The following KSR2 variants were observed in gnomAD, a reference collection of about 807,000 sequenced individuals.
KSR2 encodes the protein kinase suppressor of ras 2.
Under a neutral mutation model 107.8 loss-of-function variants are expected in KSR2, and 25 were observed. The ratio of observed to expected loss-of-function variants is 0.23; its 90% CI spans 0.17 to 0.32. The LOEUF is 0.32. Among genes scored for constraint, KSR2 ranks in the 10% least tolerant of loss-of-function variants. The pLI, the probability that KSR2 is intolerant of heterozygous loss-of-function variation, is 1.00. For missense variants in KSR2, 887 were observed against 1,268.9 expected, an observed-to-expected ratio of 0.70 and a Z score of 4.57; for synonymous variants, 480 against 507.0, an observed-to-expected ratio of 0.95 and a Z score of 0.71.
At chr12:117,949,550 T>C (rs1466514497) in intron 1 of KSR2, among the ~76,000 whole-genome samples, 3 of 152,214 alleles carry the variant, frequency 2.0e-5, no homozygotes. Context: ...AGAAATTTTG[T>C]GGGCAAAAGA....
chr12:117,561,691 A>G lies in KSR2; in HGVS notation c.1326-3118T>C, dbSNP rs561507093. ...CCTTCTTTGAGACAAGCCTAAGATA[A>G]CACCTAACTCTTCCCAATACGGATG... On this transcript the variant is annotated intron_variant, in intron 7 of 19. Transcript: ENST00000339824. 5.9e-5 allele frequency among the ~76,000 whole-genome samples: 9 copies of G among 152,320 alleles called. No individual in the cohort carries two copies. In the Middle Eastern group the frequency reaches 0.014, roughly 230 times the overall value.
chr12:117,777,168 A>G (rs1052156931), intron 3 of KSR2, among the ~76,000 whole-genome samples: 27 of 126,798 alleles, frequency 2.1e-4, no homozygotes, highest in African/African-American at 8.4e-4. Context: ...CACCATACAT[A>G]TATACACTAT....
chr12:117,454,786 T>C lies in KSR2; in HGVS notation c.*12413A>G, dbSNP rs531617383. On this transcript the variant is annotated 3_prime_UTR_variant, in exon 20 of 20. Transcript: ENST00000339824. ...TTTTTTGCTGAAGAAGGTTTTTTGG[T>C]ATGGCAAGACAGAACTGGGGGCCCC... is the stretch of plus-strand genomic sequence containing the variant. 6.6e-6 allele frequency: 1 copy of C among 152,066 alleles called. No homozygotes were observed. Among genetic ancestry groups the C allele is most frequent in the African/African-American group, 2.4e-5 (1 of 41,450 alleles). 9.4% of individuals were successfully genotyped at this position (152,066 alleles called of 1,614,324 possible).
chr12:117,607,758 C>G (rs1002813129), intron 5 of KSR2, among the ~76,000 whole-genome samples: 21 of 151,946 alleles, frequency 1.4e-4, no homozygotes, highest in African/African-American at 4.1e-4. Context: ...AGGTGTTTTG[C>G]TGACAGGAGA....
intron 4 of KSR2, among the ~76,000 whole-genome samples, chr12:117,731,648 G>A (rs368933269): frequency 1.5e-4 from 23 of 152,088 alleles, no homozygotes; most frequent in South Asian, 1.0e-3. Context: ...GTGTCTGTGT[G>A]GAAAGAGGTA....
chr12:117,912,947 C>T (rs1397628160), intron 1 of KSR2, among the ~76,000 whole-genome samples: 3 of 152,160 alleles, frequency 2.0e-5, no homozygotes, highest in Admixed American at 6.5e-5. Flanking sequence ...CCCCTCAGGG[C>T]AGACACTGTT....
Position 117,968,928 on chromosome 12 carries a change from C to T in KSR2, c.-673G>A. ...TGCTGCTGCTGCCGCCGCCGGGCTC[C>T]GGGGGTGACGGTTGCTGCAATCGCT... On this transcript the variant is annotated 5_prime_UTR_variant, in exon 1 of 20. Transcript: ENST00000339824. The T allele has an allele frequency of 8.0e-6, 2 of 249,804 alleles. 1 individual carries two copies. The highest frequency in any genetic ancestry group is 7.3e-5 in the South Asian group (2 of 27,566). The allele number at this position is 249,804 out of a possible 1,614,324, so 15.5% of individuals were successfully genotyped here.
At chr12:117,675,893 A>G (rs922263561) in intron 4 of KSR2, among the ~76,000 whole-genome samples, 2 of 152,230 alleles carry the variant, frequency 1.3e-5, no homozygotes, top group African/African-American at 4.8e-5. Context: ...ACCGCCCTGT[A>G]CAGCAAAATG....
At chr12:117,497,757 TAA>T (rs1273868760) in intron 14 of KSR2, among the ~76,000 whole-genome samples, 2 of 152,238 alleles carry the variant, frequency 1.3e-5, no homozygotes, top group Non-Finnish European at 2.9e-5. Context: ...CAGTGCTTTG[TAA>T]CCTCTGAGGT....
intron 1 of KSR2, among the ~76,000 whole-genome samples, chr12:117,936,134 C>T (rs1276476784): frequency 2.6e-5 from 4 of 152,022 alleles, no homozygotes; most frequent in Admixed American, 2.6e-4. Flanking sequence ...CTCCCAGGCT[C>T]AAGTGATCCT....
intron 10 of KSR2, among the ~76,000 whole-genome samples, chr12:117,534,254 G>A (rs1481485866): frequency 3.3e-5 from 5 of 152,174 alleles, no homozygotes; most frequent in Non-Finnish European, 7.3e-5. Context: ...CCTTTCAACT[G>A]CATCCCATGG....
At chr12:117,550,116 TC>T (rs1179194870) in intron 9 of KSR2, among the ~76,000 whole-genome samples, 1 of 152,142 alleles carries the variant, frequency 6.6e-6, no homozygotes, top group African/African-American at 2.4e-5. Context: ...GCTGGAAACA[TC>T]CATCAGAGAC....
intron 1 of KSR2, among the ~76,000 whole-genome samples, chr12:117,954,392 A>G (rs1262115554): frequency 2.0e-5 from 3 of 152,198 alleles, no homozygotes. Flanking sequence ...CATGTGGTTT[A>G]AAGACTAAGG....
chr12:117,671,950 G>A (rs1286204850), intron 4 of KSR2, among the ~76,000 whole-genome samples: 1 of 152,204 alleles, frequency 6.6e-6, no homozygotes, highest in Non-Finnish European at 1.5e-5. Context: ...CAGGTTAAAA[G>A]CCCCACTGTG....
chr12:117,742,532 G>A (rs11068669), intron 4 of KSR2, among the ~76,000 whole-genome samples: 5 of 149,454 alleles, frequency 3.3e-5, no homozygotes, highest in African/African-American at 1.3e-4. Flanking sequence ...GGATGGATGG[G>A]TGGATGGATG....
chr12:117,798,132 C>T (rs754174926), intron 3 of KSR2, among the ~76,000 whole-genome samples: 11 of 152,320 alleles, frequency 7.2e-5, no homozygotes, highest in Non-Finnish European at 1.5e-4. Flanking sequence ...ATGGGATCTT[C>T]CTACAGCCCA....
At chr12:117,725,834 C>G (rs117609697) in intron 4 of KSR2, among the ~76,000 whole-genome samples, 3 of 151,994 alleles carry the variant, frequency 2.0e-5, no homozygotes, top group Admixed American at 2.0e-4. Flanking sequence ...GTAAGCCCCC[C>G]GACTCAAGAG....
chr12:117,570,725 G>A (rs1878833020), intron 7 of KSR2, among the ~76,000 whole-genome samples: 1 of 152,102 alleles, frequency 6.6e-6, no homozygotes, highest in Non-Finnish European at 1.5e-5. Context: ...ATTATTATCG[G>A]GGCATGAACA....
At chr12:117,641,316 C>T (rs1322076755) in intron 5 of KSR2, among the ~76,000 whole-genome samples, 2 of 152,134 alleles carry the variant, frequency 1.3e-5, no homozygotes, top group East Asian at 1.9e-4. Context: ...AGGCCGGTCT[C>T]GAATTCCTGA....
Sources: allele counts gnomAD v4.1 joint callset (sites outside exome capture counted in the v4.1 genomes callset), GRCh38; gene constraint gnomAD v4.1.1; transcripts MANE v1.5; gene names NCBI Gene and HGNC (gene_info 2026-07-23, HGNC 2026-07-21).